DNAH10: variants seen among roughly 807,000 people sequenced by gnomAD.
The protein encoded by DNAH10 is dynein axonemal heavy chain 10.
In DNAH10, 348 loss-of-function variants were observed where a neutral mutation model predicts 506.6. That is an observed-to-expected ratio of 0.69 (90% confidence interval 0.63 to 0.75). The LOEUF is 0.75. Among genes scored for constraint, DNAH10 ranks in the 30% least tolerant of loss-of-function variants. The probability of loss-of-function intolerance (pLI) is 0.00; values close to 1 mark genes in which losing one functional copy is unlikely to be tolerated. For missense variants in DNAH10, 5,179 were observed against 5,787.1 expected, an observed-to-expected ratio of 0.89 and a Z score of 3.41; for synonymous variants, 2,059 against 2,198.6, an observed-to-expected ratio of 0.94 and a Z score of 1.78.
In DNAH10 at chr12:123,807,771, CGA is replaced by C. The variant is rs1252021839; in HGVS notation, c.2988-1016_2988-1015del. ...GGGAGAGAGAAACAGGGAGAGGGAT[CGA>C]GAGAGAGAGGTGGAGAGAGAGGCAG... On this transcript the variant is annotated intron_variant, in intron 18 of 78. Coordinates refer to ENST00000673944, the MANE Select transcript of DNAH10 (RefSeq NM_001372106.1). 1.5e-4 allele frequency among the ~76,000 whole-genome samples: 14 copies of C among 94,588 alleles called. 1 individual carries two copies. The highest frequency in any genetic ancestry group is 8.9e-3 in the Middle Eastern group (1 of 112). The allele number at this position is 94,588 out of a possible 152,430, so 62.1% of individuals were successfully genotyped here.
chr12:123,836,655 T>C (rs762921879), intron 28 of DNAH10, among the ~76,000 whole-genome samples: 2 of 152,216 alleles, frequency 1.3e-5, no homozygotes, highest in Non-Finnish European at 2.9e-5. Flanking sequence ...TTGATCTCTT[T>C]TATCCACTAG....
intron 6 of DNAH10, among the ~76,000 whole-genome samples, chr12:123,781,858 C>A (rs938456517): frequency 6.6e-6 from 1 of 152,086 alleles, no homozygotes; most frequent in African/African-American, 2.4e-5. Context: ...ATTTTTCTCC[C>A]CTCCCCCTTT....
At chr12:123,895,803 T>G (rs1953192211) in intron 54 of DNAH10, among the ~76,000 whole-genome samples, 1 of 152,032 alleles carries the variant, frequency 6.6e-6, no homozygotes, top group African/African-American at 2.4e-5. Context: ...GCTTAGAACT[T>G]TTTTGTCCTT....
intron 36 of DNAH10, among the ~76,000 whole-genome samples, chr12:123,855,676 A>G (rs55786633): frequency 0.32 from 48,047 of 147,954 alleles, 7,918 homozygotes; most frequent in Middle Eastern, 0.4. Context: ...ATATATATAT[A>G]TGCGCACCTA....
At chr12:123,864,148 T>TTC (rs1555236408) in intron 39 of DNAH10, among the ~76,000 whole-genome samples, 1 of 141,092 alleles carries the variant, frequency 7.1e-6, no homozygotes, top group Admixed American at 6.9e-5. Flanking sequence ...TTTTTCTTTT[T>TTC]TTTTTTTTTT....
intron 39 of DNAH10, among the ~76,000 whole-genome samples, chr12:123,864,285 A>G (rs988072765): frequency 5.3e-5 from 8 of 150,824 alleles, no homozygotes; most frequent in Admixed American, 2.7e-4. Flanking sequence ...AGCTGGGATT[A>G]CAGGCACACA....
At position 123,917,550 on chromosome 12, in the gene DNAH10, G is replaced by A. The variant is rs1028025705; in HGVS notation, c.11003-34G>A. 8 of 1,540,026 alleles carry A rather than the reference G, an allele frequency of 5.2e-6. No homozygotes were observed. The highest frequency in any genetic ancestry group is 2.7e-5 in the African/African-American group (2 of 72,832). ...GCGGGAGAGACTGTTGTTGGGGGCC[G>A]CAGGTGGTGAGGGCCTCTCACTGTC... is the stretch of plus-strand genomic sequence containing the variant. On this transcript the variant is annotated intron_variant, in intron 63 of 78. Transcript: ENST00000673944. The surrounding 1 kb of genome is among the most constrained non-coding windows in gnomAD (Gnocchi z 5.6).
Position 123,813,925 on chromosome 12 carries a change from G to T in DNAH10, c.3780+13G>T, listed in dbSNP as rs1959044466. On this transcript the variant is annotated intron_variant, in intron 21 of 78. Coordinates refer to ENST00000673944, the MANE Select transcript of DNAH10 (RefSeq NM_001372106.1). ...GTATAACCTCTTTGTAAGTCAACTT[G>T]TATTTTCTTATTCATTTAACAATTG... 6.4e-7 allele frequency: 1 copy of T among 1,564,736 alleles called. No homozygotes were observed.
chr12:123,847,026 A>C (rs1950972059), intron 32 of DNAH10, among the ~76,000 whole-genome samples: 1 of 152,182 alleles, frequency 6.6e-6, no homozygotes. Flanking sequence ...TTCCACAGAG[A>C]AATAGAACCA....
At chr12:123,843,264 A>G (rs1950833307) in intron 30 of DNAH10, among the ~76,000 whole-genome samples, 1 of 152,230 alleles carries the variant, frequency 6.6e-6, no homozygotes, top group Non-Finnish European at 1.5e-5. Context: ...TAGGTGTGGC[A>G]TCACTGAGAA....
rs746677144 is a variant in DNAH10 at position 123,935,328 on chromosome 12, C to T, written c.13624-7C>T. 1.3e-6 allele frequency: 2 copies of T among 1,598,378 alleles called. No homozygotes were observed. Among genetic ancestry groups the T allele is most frequent in the South Asian group, 2.2e-5 (2 of 90,612 alleles). ...GTGGGGGCATCTCACCTGCCTTTCC[C>T]TTGCAGAATACTTTCCGGACCCCCG... On this transcript the variant is annotated splice_region_variant and splice_polypyrimidine_tract_variant and intron_variant, in intron 78 of 78. Transcript: ENST00000673944.
At chr12:123,825,312 T>A (rs1959858152) in intron 24 of DNAH10, among the ~76,000 whole-genome samples, 1 of 152,136 alleles carries the variant, frequency 6.6e-6, no homozygotes, top group Non-Finnish European at 1.5e-5. Context: ...GAAAGCATGG[T>A]CCTTGCAGAG....
intron 52 of DNAH10, among the ~76,000 whole-genome samples, chr12:123,887,751 C>CT (rs113859601): frequency 5.9e-4 from 85 of 143,184 alleles, no homozygotes; most frequent in African/African-American, 6.1e-4. Context: ...TTTTTTTTTT[C>CT]TTTTTTTTTT....
In DNAH10 at chr12:123,864,695, A is replaced by G. The variant is rs772365334; in HGVS notation, c.7009A>G (p.Ile2337Val). 4 of 1,614,046 alleles carry G rather than the reference A, an allele frequency of 2.5e-6. No individual in the cohort carries two copies. The highest frequency in any genetic ancestry group is 1.7e-5 in the Admixed American group (1 of 60,030). ...RLLTLANGER[I>V]RLQAHCALLF... ...GTTGACATTGGCCAACGGGGAACGC[A>G]TCCGGCTCCAAGCACACTGTGCCCT... Residue 2337 changes from isoleucine (I) to valine (V), a missense_variant, in exon 40 of 79, where the codon ATC becomes GTC. Coordinates refer to ENST00000673944, the MANE Select transcript of DNAH10 (RefSeq NM_001372106.1).
rs755407781 is a variant in DNAH10 at position 123,813,383 on chromosome 12, A to G, written c.3364A>G (p.Lys1122Glu). ...GTATCGACCTCTCTGGAAATTGGAC[A>G]AAGCTATTGTGATGGAGAAATTTGC... ...KRYRPLWKLD[K>E]AIVMEKFAAK... Residue 1122 changes from lysine (K) to glutamate (E), a missense_variant, in exon 20 of 79, where the codon AAA becomes GAA. Lys to Glu is a moderately conservative substitution (Grantham distance 56, BLOSUM62 1). Coordinates refer to ENST00000673944, the MANE Select transcript of DNAH10 (RefSeq NM_001372106.1). 1 of 1,614,252 alleles carries G rather than the reference A, an allele frequency of 6.2e-7. No homozygotes were observed. The highest frequency in any genetic ancestry group is 8.5e-7 in the Non-Finnish European group (1 of 1,180,048).
In DNAH10 at chr12:123,868,285, C is replaced by T. The variant is rs561134121; in HGVS notation, c.7519+166C>T. On this transcript the variant is annotated intron_variant, in intron 43 of 78. Coordinates refer to ENST00000673944, the MANE Select transcript of DNAH10 (RefSeq NM_001372106.1). ...GAGCACATGGCGGAACACCCAGGAG[C>T]GGTTCACATGCATTGACTGCTGTGA... 7.9e-5 allele frequency among the ~76,000 whole-genome samples: 12 copies of T among 152,270 alleles called. No homozygotes were observed. The South Asian group carries it at 1.7e-3, about 21-fold the overall frequency.
intron 65 of DNAH10, among the ~76,000 whole-genome samples, chr12:123,922,268 G>T (rs949402721): frequency 7.3e-6 from 1 of 136,246 alleles, no homozygotes; most frequent in African/African-American, 3.6e-5. Flanking sequence ...AGCTACTGGG[G>T]GGGAGGCTGA....
rs763674827 is a variant in DNAH10, at chr12:123,774,258, A to G, written c.615A>G (p.Ile205Met). 4.4e-6 allele frequency: 7 copies of G among 1,586,532 alleles called. No individual in the cohort carries two copies. The African/African-American group carries it at 9.5e-5, about 22-fold the overall frequency. The change falls in exon 5 of 79, where the codon ATA becomes ATG. Residue 205 changes from isoleucine (I) to methionine (M), a missense_variant. By Grantham distance (10) the Ile-to-Met change is conservative. Coordinates refer to ENST00000673944, the MANE Select transcript of DNAH10 (RefSeq NM_001372106.1). Reference protein sequence around the residue: ...ANVLHFLKNIICQVFLPALSF... With the variant: ...ANVLHFLKNIMCQVFLPALSF... ...TGCTCCATTTTCTGAAGAATATTAT[A>G]TGTCAGGTAAACATGGAGAAAGGAA...
chr12:123,830,491 G>T, intron 25 of DNAH10, 55 bp from the exon 26 acceptor site: 1 of 1,513,284 alleles, frequency 6.6e-7, no homozygotes, highest in South Asian at 1.3e-5. Flanking sequence ...GGGAGTAATT[G>T]AACTCCTCAC....
Sources: gnomAD v4.1 joint callset for allele counts (sites outside exome capture counted in the v4.1 genomes callset) on GRCh38, gnomAD v4.1.1 for gene constraint, Gnocchi (gnomAD v3.1) non-coding constraint, MANE v1.5 for transcripts, NCBI Gene and HGNC (gene_info 2026-07-23, HGNC 2026-07-21) for gene names.